The following NRXN3 variants were observed in gnomAD, a reference collection of about 807,000 sequenced individuals.
NRXN3 encodes neurexin III.
Under a neutral mutation model 137.6 loss-of-function variants are expected in NRXN3, and 32 were observed. The ratio of observed to expected loss-of-function variants is 0.23; its 90% CI spans 0.18 to 0.31. The LOEUF is 0.31. Among genes scored for constraint, NRXN3 ranks in the 10% least tolerant of loss-of-function variants. NRXN3 has a pLI of 1.00. For synonymous variants in NRXN3, 798 were observed against 784.5 expected (o/e 1.02, Z -0.29); for missense variants, 1,574 against 2,062.5 (o/e 0.76, Z 4.59).
chr14:79,605,781 C>A lies in NRXN3; in HGVS notation c.3445-57997C>A, dbSNP rs149816655. On this transcript the variant is annotated intron_variant, in intron 16 of 20. Coordinates refer to ENST00000335750, the MANE Select transcript of NRXN3 (RefSeq NM_001330195.2). ...CTGGGATTATAGGCATGAACCACTGCGCCTGGCCGATACTGCAGTTTTGAT... is the reference window on the plus strand; with the variant it reads ...CTGGGATTATAGGCATGAACCACTGAGCCTGGCCGATACTGCAGTTTTGAT... Among the ~76,000 whole-genome samples the A allele has an allele frequency of 6.7e-3, 1,013 of 152,296 alleles. 14 individuals are homozygous for A. Among genetic ancestry groups the A allele is most frequent in the Middle Eastern group, 0.044 (13 of 294 alleles).
intron 3 of NRXN3, among the ~76,000 whole-genome samples, chr14:78,290,106 G>A (rs1428820890): frequency 6.6e-6 from 1 of 152,078 alleles, no homozygotes; most frequent in Admixed American, 6.6e-5. Flanking sequence ...CTAATGTATG[G>A]CAACATACAC....
At chr14:78,958,614 C>T (rs1344619035) in intron 11 of NRXN3, among the ~76,000 whole-genome samples, 10 of 152,190 alleles carry the variant, frequency 6.6e-5, no homozygotes, top group Non-Finnish European at 8.8e-5. Flanking sequence ...CTCGGCCTCC[C>T]AAAGTGCTGG....
Position 78,918,898 on chromosome 14 carries a change from C to T in NRXN3, c.2276-38344C>T, listed in dbSNP as rs185927696. 4.8e-3 allele frequency among the ~76,000 whole-genome samples: 732 copies of T among 152,220 alleles called. 4 individuals are homozygous for T. The highest frequency in any genetic ancestry group is 8.0e-3 in the Non-Finnish European group (545 of 68,008). On this transcript the variant is annotated intron_variant, in intron 10 of 20. Transcript: ENST00000335750. ...TTGTGTAAGTATGCTCTATAATGTT[C>T]ACACAAAGATGAAATCACCCAATGA...
intron 10 of NRXN3, among the ~76,000 whole-genome samples, chr14:78,915,576 G>A (rs116985403): frequency 7.8e-4 from 119 of 152,126 alleles, no homozygotes; most frequent in Non-Finnish European, 1.6e-3. Context: ...CAGTCAAATG[G>A]AAAATATATA....
intron 16 of NRXN3, among the ~76,000 whole-genome samples, chr14:79,589,305 T>C (rs1404220049): frequency 1.3e-5 from 2 of 152,136 alleles, no homozygotes; most frequent in African/African-American, 4.8e-5. Flanking sequence ...GAGCCACCCA[T>C]TGTGCTATCA....
At chr14:79,564,818 G>A (rs1428951778) in intron 16 of NRXN3, among the ~76,000 whole-genome samples, 1 of 152,234 alleles carries the variant, frequency 6.6e-6, no homozygotes, top group African/African-American at 2.4e-5. Context: ...ATTTGGTAAG[G>A]ACTATTGAGA....
intron 4 of NRXN3, among the ~76,000 whole-genome samples, chr14:78,439,674 ATTTTACAGGTGTGGAAACCAAGGCAGAAT>A (rs1205984272): frequency 2.0e-5 from 3 of 152,038 alleles, no homozygotes; most frequent in Non-Finnish European, 4.4e-5. Flanking sequence ...CTTTATCCCT[ATTTTACAGGTGTGGAAACCAAGGCAGAAT>A]TTTTACAGGT....
intron 4 of NRXN3, among the ~76,000 whole-genome samples, chr14:78,487,623 TCCCAGC>T (rs1567729868): frequency 6.6e-6 from 1 of 151,840 alleles, no homozygotes; most frequent in Non-Finnish European, 1.5e-5. Context: ...GCATCTCTAG[TCCCAGC>T]TACTCAGGAG....
chr14:78,417,950 T>G (rs1447631681), intron 4 of NRXN3, among the ~76,000 whole-genome samples: 1 of 152,150 alleles, frequency 6.6e-6, no homozygotes, highest in Non-Finnish European at 1.5e-5. Flanking sequence ...AGAGACAGTG[T>G]TTTGCCACAT....
chr14:79,228,980 G>A (rs2071605801), intron 15 of NRXN3, among the ~76,000 whole-genome samples: 3 of 152,188 alleles, frequency 2.0e-5, no homozygotes, highest in Admixed American at 2.0e-4. Flanking sequence ...GAGATCATTG[G>A]TTACAACCTC....
intron 15 of NRXN3, among the ~76,000 whole-genome samples, chr14:79,340,631 A>G (rs576404482): frequency 6.6e-6 from 1 of 152,142 alleles, no homozygotes; most frequent in South Asian, 2.1e-4. Context: ...ACGCCCGGCT[A>G]ATTTTGTATT....
At chr14:79,140,602 TG>T in intron 15 of NRXN3, among the ~76,000 whole-genome samples, 1 of 151,370 alleles carries the variant, frequency 6.6e-6, no homozygotes, top group Non-Finnish European at 1.5e-5. Context: ...TGTGTGTGTG[TG>T]TGTGTGTGAA....
Position 79,064,639 on chromosome 14 carries a change from C to G in NRXN3, c.3262+76498C>G, listed in dbSNP as rs939549271. Among the ~76,000 whole-genome samples, 7 of 149,138 alleles carry G rather than the reference C, an allele frequency of 4.7e-5. No individual in the cohort carries two copies. In the South Asian group the frequency reaches 8.5e-4, roughly 18 times the overall value. On this transcript the variant is annotated intron_variant, in intron 15 of 20. Coordinates refer to ENST00000335750, the MANE Select transcript of NRXN3 (RefSeq NM_001330195.2). ...ACAAGTTATATATGTATATATAAAA[C>G]TAGCATATTAACAAATATATATGGG... is the stretch of plus-strand genomic sequence containing the variant.
At chr14:78,827,617 G>A (rs2098970609) in intron 10 of NRXN3, among the ~76,000 whole-genome samples, 1 of 152,226 alleles carries the variant, frequency 6.6e-6, no homozygotes, top group South Asian at 2.1e-4. Context: ...GACAGGTCAT[G>A]CCATTTTCCA....
At chr14:78,175,975 G>A (rs1449375340) in intron 1 of NRXN3, among the ~76,000 whole-genome samples, 1 of 152,176 alleles carries the variant, frequency 6.6e-6, no homozygotes, top group African/African-American at 2.4e-5. Context: ...GAGAGGTCAA[G>A]GACTTTGTGT....
At chr14:78,504,227 G>A (rs1022140852) in intron 4 of NRXN3, among the ~76,000 whole-genome samples, 2 of 152,170 alleles carry the variant, frequency 1.3e-5, no homozygotes, top group Admixed American at 6.5e-5. Flanking sequence ...ACTGGTCATT[G>A]CTCCTGCTGT....
intron 4 of NRXN3, among the ~76,000 whole-genome samples, chr14:78,623,657 C>G (rs935926339): frequency 2.6e-5 from 4 of 152,134 alleles, no homozygotes; most frequent in African/African-American, 9.7e-5. Context: ...ACCTCCGCCT[C>G]CCAGGTTCAA....
chr14:78,267,297 A>G (rs563851115), intron 2 of NRXN3, among the ~76,000 whole-genome samples: 13 of 152,314 alleles, frequency 8.5e-5, no homozygotes, highest in African/African-American at 2.9e-4. Context: ...ATGAATAGCA[A>G]TATTGGCATT....
chr14:79,527,310 A>AG (rs1446474619), intron 16 of NRXN3, among the ~76,000 whole-genome samples: 1 of 150,424 alleles, frequency 6.6e-6, no homozygotes, highest in East Asian at 2.0e-4. Flanking sequence ...AAAAAAAAAA[A>AG]AAAAAAGACT....
Sources: gnomAD v4.1 joint callset for allele counts (sites outside exome capture counted in the v4.1 genomes callset) on GRCh38, gnomAD v4.1.1 for gene constraint, MANE v1.5 for transcripts, NCBI Gene and HGNC (gene_info 2026-07-23, HGNC 2026-07-21) for gene names.